The following N4BP2L2 variants were observed in gnomAD, a reference collection of about 807,000 sequenced individuals.
N4BP2L2 encodes NEDD4-binding protein 2-like 2.
A neutral mutation model predicts 56.2 loss-of-function variants in N4BP2L2; 50 were observed. The ratio of observed to expected loss-of-function variants is 0.89; its 90% CI spans 0.71 to 1.13. N4BP2L2 has a LOEUF of 1.13. Ranked by LOEUF, N4BP2L2 falls within the 50% of genes most tolerant of loss-of-function variation. The pLI is 0.00. For synonymous variants in N4BP2L2, 203 were observed against 223.6 expected, an observed-to-expected ratio of 0.91 and a Z score of 0.82; for missense variants, 689 against 693.8, an observed-to-expected ratio of 0.99 and a Z score of 0.08.
intron 2 of N4BP2L2, among the ~76,000 whole-genome samples, chr13:32,533,030 C>T (rs918963427): frequency 6.6e-6 from 1 of 152,038 alleles, no homozygotes; most frequent in African/African-American, 2.4e-5. Flanking sequence ...TAGCCTGTTT[C>T]TGGGTTCTCT....
chr13:32,452,367 TC>T (rs1366357929), intron 6 of N4BP2L2, among the ~76,000 whole-genome samples: 7 of 152,144 alleles, frequency 4.6e-5, no homozygotes, highest in African/African-American at 7.2e-5. Flanking sequence ...AGCCAGCACC[TC>T]CAGCTTTTTT....
At chr13:32,448,133 A>G (rs2077317866) in intron 6 of N4BP2L2, among the ~76,000 whole-genome samples, 3 of 152,216 alleles carry the variant, frequency 2.0e-5, no homozygotes, top group Admixed American at 1.3e-4. Context: ...GAAACAGTGG[A>G]CATGGCCTTC....
intron 6 of N4BP2L2, among the ~76,000 whole-genome samples, chr13:32,486,444 G>A (rs1263912604): frequency 6.6e-6 from 1 of 152,130 alleles, no homozygotes; most frequent in Non-Finnish European, 1.5e-5. Flanking sequence ...AGGAGGGTGA[G>A]GCGGGTGGAT....
chr13:32,477,985 T>C (rs1451623895), intron 6 of N4BP2L2: 18 of 1,289,292 alleles, frequency 1.4e-5, no homozygotes, highest in Admixed American at 6.9e-5. Flanking sequence ...TCCCAAGTCA[T>C]TGTCTGACAT....
chr13:32,491,976 T>C (rs1176854942), intron 6 of N4BP2L2, among the ~76,000 whole-genome samples: 1 of 152,180 alleles, frequency 6.6e-6, no homozygotes, highest in Non-Finnish European at 1.5e-5. Context: ...ATTGAACTGG[T>C]GAGTTATTAT....
chr13:32,461,219 T>C (rs930548002), intron 6 of N4BP2L2, among the ~76,000 whole-genome samples: 1 of 152,164 alleles, frequency 6.6e-6, no homozygotes, highest in Non-Finnish European at 1.5e-5. Flanking sequence ...AATTTATGGC[T>C]AAGACCTCAA....
intron 6 of N4BP2L2, chr13:32,478,340 A>G (rs977506534): frequency 5.9e-5 from 15 of 255,604 alleles, no homozygotes; most frequent in African/African-American, 8.8e-5. Flanking sequence ...AAAAAACTAT[A>G]TAACGCAATT....
exon 7 of N4BP2L2, chr13:32,443,198 C>T (rs1346014697): frequency 1.1e-5 from 17 of 1,613,782 alleles, no homozygotes; most frequent in Non-Finnish European, 1.4e-5. Context: ...GAAAAATCTT[C>T]ATTTCCTATC....
chr13:32,438,619 AATAC>A, intron 8 of N4BP2L2: 1 of 1,504,564 alleles, frequency 6.6e-7, no homozygotes, highest in Non-Finnish European at 9.1e-7. Flanking sequence ...CAACAACAAA[AATAC>A]ATACACACAC....
intron 6 of N4BP2L2, chr13:32,480,683 G>A: frequency 8.5e-7 from 1 of 1,173,290 alleles, no homozygotes; most frequent in Non-Finnish European, 1.1e-6. Context: ...AACTTTTAAA[G>A]TGCTTTCATA....
chr13:32,480,067 A>G (rs2084276454), intron 6 of N4BP2L2, among the ~76,000 whole-genome samples: 1 of 152,214 alleles, frequency 6.6e-6, no homozygotes, highest in Non-Finnish European at 1.5e-5. Context: ...CCTCACCTAG[A>G]CACATTATAA....
At chr13:32,536,836 T>C (rs1594131203) in exon 2 of N4BP2L2, 2 of 1,614,006 alleles carry the variant, frequency 1.2e-6, no homozygotes, top group Non-Finnish European at 1.7e-6. Flanking sequence ...AATAACTATG[T>C]CCTCTGACAT....
At chr13:32,436,427 C>A (rs1593363034) in intron 8 of N4BP2L2, 2 of 1,056,956 alleles carry the variant, frequency 1.9e-6, no homozygotes. Context: ...AATTAAAATA[C>A]ATAAAATATT....
chr13:32,527,542 A>C lies in N4BP2L2; in HGVS notation c.1260-10T>G. 1 of 1,609,396 alleles carries C rather than the reference A, an allele frequency of 6.2e-7. No individual in the cohort carries two copies. The highest frequency in any genetic ancestry group is 8.5e-7 in the Non-Finnish European group (1 of 1,179,638). On this transcript the variant is annotated splice_polypyrimidine_tract_variant and intron_variant, in intron 2 of 5. Transcript: ENST00000267068. ...CTGACCAAGCAGAATTCTGTTAATA[A>C]AAGAAATCATAAAGGTGCCATTTAC...
At chr13:32,517,197 A>C (rs2049429315) in exon 6 of N4BP2L2, 1 of 984,862 alleles carries the variant, frequency 1.0e-6, no homozygotes, top group Non-Finnish European at 1.2e-6. Flanking sequence ...TTACAAGATG[A>C]ATATGCATAT....
At chr13:32,536,800 T>C in exon 2 of N4BP2L2, 2 of 1,614,128 alleles carry the variant, frequency 1.2e-6, no homozygotes, top group East Asian at 4.5e-5. Flanking sequence ...TATGCAAATC[T>C]GTAGTTTTGA....
At chr13:32,469,768 C>A (rs538182036) in intron 6 of N4BP2L2, among the ~76,000 whole-genome samples, 1 of 152,144 alleles carries the variant, frequency 6.6e-6, no homozygotes, top group Non-Finnish European at 1.5e-5. Context: ...GACTGTCAGA[C>A]GATGAAAGTC....
intron 3 of N4BP2L2, chr13:32,525,303 C>G (rs554814597): frequency 6.6e-6 from 1 of 152,112 alleles, no homozygotes; most frequent in Admixed American, 6.5e-5. Context: ...GACTGCTATG[C>G]CACCCTCTAA....
chr13:32,492,275 T>A (rs1435884155), intron 6 of N4BP2L2, among the ~76,000 whole-genome samples: 1 of 122,232 alleles, frequency 8.2e-6, no homozygotes, highest in South Asian at 2.9e-4. Flanking sequence ...ACACCAAAAT[T>A]TTTTTTTTTT....
Sources: allele counts gnomAD v4.1 joint callset (sites outside exome capture counted in the v4.1 genomes callset), GRCh38; gene constraint gnomAD v4.1.1; transcripts MANE v1.5; gene names NCBI Gene and HGNC (gene_info 2026-07-23, HGNC 2026-07-21).